ZNF808: variants seen among roughly 807,000 people sequenced by gnomAD.
ZNF808 encodes zinc finger protein 808.
ZNF808 carries 5 observed loss-of-function variants against 8.7 expected under a neutral mutation model. The ratio of observed to expected loss-of-function variants is 0.58; its 90% CI spans 0.30 to 1.21. The LOEUF is 1.21. ZNF808 is among the 50% of genes most tolerant of loss of function. ZNF808 has a pLI of 0.07. For missense variants in ZNF808, 1,103 were observed against 1,098.4 expected (o/e 1.00, Z -0.06); for synonymous variants, 380 against 366.0 (o/e 1.04, Z -0.44).
Position 52,555,776 on chromosome 19 carries a change from A to G in ZNF808, c.*148A>G. 8.5e-7 allele frequency: 1 copy of G among 1,181,370 alleles called. No individual in the cohort carries two copies. The allele number at this position is 1,181,370 out of a possible 1,614,324, so 73.2% of individuals were successfully genotyped here. A position where few individuals can be genotyped will look rare whatever the true frequency, so the allele number is the denominator to read the frequency against. On this transcript the variant is annotated 3_prime_UTR_variant, in exon 5 of 5. Transcript: ENST00000359798. ...CATTGCAGTTCATTGGCAACCTCAT[A>G]CTGGAGAGAAACCTTACAAATGTCA...
downstream of ZNF808, among the ~76,000 whole-genome samples, chr19:52,564,960 C>A (rs1322619764): frequency 5.9e-5 from 9 of 152,094 alleles, no homozygotes; most frequent in Admixed American, 5.9e-4. Flanking sequence ...GTGGCAGGGG[C>A]CTATAGTCCC....
At chr19:52,534,055 G>A (rs1006785878) in intron 2 of ZNF808, among the ~76,000 whole-genome samples, 1 of 152,096 alleles carries the variant, frequency 6.6e-6, no homozygotes, top group Admixed American at 6.6e-5. Context: ...GACTGTCATG[G>A]CTCAAGCCTG....
At position 52,554,542 on chromosome 19, in the gene ZNF808, G is replaced by A. The variant is rs550545156; in HGVS notation, c.1626G>A (p.Thr542=). 1.2e-5 allele frequency: 19 copies of A among 1,613,856 alleles called. No individual in the cohort carries two copies. Among genetic ancestry groups the A allele is most frequent in the East Asian group, 6.7e-5 (3 of 44,886 alleles). ...LHTLEKSYKC[T]VCNKVFMRNS... ...CTCTAGAGAAATCTTACAAATGTAC[G>A]GTTTGTAACAAGGTTTTCATGCGTA... The change falls in exon 5 of 5, where the codon ACG becomes ACA. Residue 542 remains threonine (T), a synonymous_variant. Coordinates refer to ENST00000359798, the MANE Select transcript of ZNF808 (RefSeq NM_001039886.4).
chr19:52,542,679 A>G (rs1163055366), intron 2 of ZNF808, among the ~76,000 whole-genome samples: 1 of 152,178 alleles, frequency 6.6e-6, no homozygotes. Flanking sequence ...ACATCAATCA[A>G]TATATGTAAG....
downstream of ZNF808, among the ~76,000 whole-genome samples, chr19:52,566,706 G>T (rs375168053): frequency 2.6e-4 from 39 of 152,200 alleles, no homozygotes; most frequent in South Asian, 7.5e-3. Flanking sequence ...TGTTAAACAG[G>T]ATCCTAGGGG....
chr19:52,547,083 G>T (rs1253029602), intron 3 of ZNF808, among the ~76,000 whole-genome samples: 7 of 151,842 alleles, frequency 4.6e-5, no homozygotes, highest in Non-Finnish European at 7.4e-5. Flanking sequence ...GTGTAGCTGG[G>T]ATTACAGGTG....
downstream of ZNF808, among the ~76,000 whole-genome samples, chr19:52,559,674 A>T (rs780003987): frequency 1.1e-4 from 16 of 152,170 alleles, no homozygotes; most frequent in Non-Finnish European, 2.2e-4. Flanking sequence ...AATGGAATGG[A>T]AAGTGAAGAT....
chr19:52,550,531 A>ATT (rs35082576), intron 4 of ZNF808, among the ~76,000 whole-genome samples: 3 of 142,410 alleles, frequency 2.1e-5, no homozygotes, highest in African/African-American at 7.7e-5. Flanking sequence ...TGTCCGGGCT[A>ATT]TTTTTTTTTT....
In ZNF808 at chr19:52,555,217, C is replaced by G. The variant is rs2059823845; in HGVS notation, c.2301C>G (p.Asp767Glu). The G allele has an allele frequency of 5.0e-6, 8 of 1,613,346 alleles. No individual in the cohort carries two copies. The highest frequency in any genetic ancestry group is 5.9e-6 in the Non-Finnish European group (7 of 1,179,856). ...GTGAGAAACCTTACAAGTGTAACGA[C>G]TGTGGCAATACCTTCCGTCACTGGT... ...HSGEKPYKCN[D>E]CGNTFRHWSS... The change falls in exon 5 of 5, where the codon GAC (aspartate) becomes GAG (glutamate). Residue 767 changes from aspartate to glutamate, a missense_variant. Transcript: ENST00000359798.
In ZNF808 at chr19:52,554,552, A is replaced by G. The variant is rs2059814443; in HGVS notation, c.1636A>G (p.Lys546Glu). ...EKSYKCTVCNKVFMRNSVLAV... is the reference protein window; with the variant it reads ...EKSYKCTVCNEVFMRNSVLAV... ...ATCTTACAAATGTACGGTTTGTAAC[A>G]AGGTTTTCATGCGTAATTCAGTCCT... Residue 546 changes from lysine (K) to glutamate (E), a missense_variant, in exon 5 of 5, where the codon AAG (lysine) becomes GAG (glutamate). Physicochemically the swap from Lys to Glu is moderately conservative, Grantham distance 56. Coordinates refer to ENST00000359798, the MANE Select transcript of ZNF808 (RefSeq NM_001039886.4). 1 of 1,613,910 alleles carries G rather than the reference A, an allele frequency of 6.2e-7. No homozygotes were observed. Among genetic ancestry groups the G allele is most frequent in the Admixed American group, 1.7e-5 (1 of 59,988 alleles).
downstream of ZNF808, among the ~76,000 whole-genome samples, chr19:52,559,317 G>A (rs1371470064): frequency 6.6e-6 from 1 of 152,104 alleles, no homozygotes; most frequent in Non-Finnish European, 1.5e-5. Context: ...GCTCTTTAAG[G>A]CATTGAGATG....
chr19:52,535,358 G>C (rs1338796811), intron 2 of ZNF808, among the ~76,000 whole-genome samples: 6 of 148,104 alleles, frequency 4.1e-5, no homozygotes, highest in Non-Finnish European at 8.9e-5. Context: ...AAAAAAAAGA[G>C]AGAAAAGGAA....
downstream of ZNF808, among the ~76,000 whole-genome samples, chr19:52,558,619 C>G (rs2059846879): frequency 6.6e-6 from 1 of 152,122 alleles, no homozygotes. Context: ...ATCCGCCCGC[C>G]TCGGCCTCCC....
chr19:52,554,075 G>A lies in ZNF808; in HGVS notation c.1159G>A (p.Ala387Thr). ...EKAFACHSYLANHTRIHSGEK... is the reference protein window; with the variant it reads ...EKAFACHSYLTNHTRIHSGEK... ...GGCTTTTGCGTGTCATTCCTATCTG[G>A]CAAACCATACTAGAATTCATAGTGG... The change falls in exon 5 of 5, where the codon GCA becomes ACA. Residue 387 changes from alanine (A) to threonine (T), a missense_variant. Physicochemically the swap from Ala to Thr is moderately conservative, Grantham distance 58. Transcript: ENST00000359798. 1.2e-6 allele frequency: 2 copies of A among 1,613,928 alleles called. No individual in the cohort carries two copies. The highest frequency in any genetic ancestry group is 1.7e-6 in the Non-Finnish European group (2 of 1,179,984).
At chr19:52,548,575 A>G (rs1311393216) in intron 4 of ZNF808, among the ~76,000 whole-genome samples, 3 of 152,150 alleles carry the variant, frequency 2.0e-5, no homozygotes, top group African/African-American at 7.2e-5. Context: ...GGCATGTGTC[A>G]CCACACCCGG....
At chr19:52,568,230 C>T (rs547891571), downstream of ZNF808, among the ~76,000 whole-genome samples, 1 of 152,090 alleles carries the variant, frequency 6.6e-6, no homozygotes, top group Non-Finnish European at 1.5e-5. Flanking sequence ...AGCCATTAGC[C>T]GGGCATGGTG....
At chr19:52,535,512 G>A (rs934532926) in intron 2 of ZNF808, among the ~76,000 whole-genome samples, 17 of 152,190 alleles carry the variant, frequency 1.1e-4, no homozygotes, top group East Asian at 5.8e-4. Flanking sequence ...CCCCGTGCCC[G>A]CATCCCTGCT....
intron 2 of ZNF808, among the ~76,000 whole-genome samples, chr19:52,539,107 GT>G (rs1212368566): frequency 3.9e-5 from 6 of 152,040 alleles, no homozygotes; most frequent in Non-Finnish European, 7.3e-5. Context: ...TATATGGAAC[GT>G]GATGAAAGGA....
chr19:52,552,494 C>G (rs1304181036), intron 4 of ZNF808, among the ~76,000 whole-genome samples: 2 of 151,404 alleles, frequency 1.3e-5, no homozygotes, highest in East Asian at 3.9e-4. Flanking sequence ...CTCACTGCAA[C>G]CTCTGCCTCC....
Sources: allele counts gnomAD v4.1 joint callset (sites outside exome capture counted in the v4.1 genomes callset), GRCh38; gene constraint gnomAD v4.1.1; transcripts MANE v1.5; gene names NCBI Gene and HGNC (gene_info 2026-07-23, HGNC 2026-07-21).